TACR1: variants seen among roughly 807,000 people sequenced by gnomAD.
TACR1 encodes tachykinin receptor 1, also known as substance-P receptor.
In TACR1, 25 loss-of-function variants were observed where a neutral mutation model predicts 35.8. That is an observed-to-expected ratio of 0.70 (90% CI 0.51 to 0.98). The LOEUF is 0.98. Among genes scored for constraint, TACR1 ranks in the 50% least tolerant of loss-of-function variants. TACR1 has a pLI of 0.00. For synonymous variants in TACR1, 195 were observed against 206.7 expected (o/e 0.94, Z 0.48); for missense variants, 478 against 522.9 (o/e 0.91, Z 0.84).
chr2:75,050,579 C>T (rs1385376161), intron 4 of TACR1, among the ~76,000 whole-genome samples: 4 of 152,224 alleles, frequency 2.6e-5, no homozygotes, highest in African/African-American at 9.6e-5. Flanking sequence ...ATGCTGACCA[C>T]CATTCTGGAT....
At chr2:75,086,864 G>A (rs1473954968) in intron 2 of TACR1, among the ~76,000 whole-genome samples, 1 of 152,042 alleles carries the variant, frequency 6.6e-6, no homozygotes, top group Non-Finnish European at 1.5e-5. Context: ...CTAGCAGTGG[G>A]GATTTTGAGA....
chr2:75,109,424 G>C (rs1034106067), intron 2 of TACR1, among the ~76,000 whole-genome samples: 3 of 152,080 alleles, frequency 2.0e-5, no homozygotes, highest in African/African-American at 7.2e-5. Context: ...CTTTAACTTG[G>C]AATCTATTTT....
intron 1 of TACR1, among the ~76,000 whole-genome samples, chr2:75,176,927 C>A (rs551423798): frequency 9.9e-5 from 15 of 152,268 alleles, no homozygotes; most frequent in South Asian, 4.1e-4. Flanking sequence ...CTCTCCCTGA[C>A]CCCCAAGGAA....
intron 2 of TACR1, among the ~76,000 whole-genome samples, chr2:75,085,862 C>G (rs576208208): frequency 1.8e-3 from 270 of 152,322 alleles, no homozygotes; most frequent in Middle Eastern, 6.8e-3. Context: ...AACTCATTCT[C>G]TTTCTCTGAT....
intron 2 of TACR1, among the ~76,000 whole-genome samples, chr2:75,064,200 G>A (rs1672725381): frequency 6.6e-6 from 1 of 152,172 alleles, no homozygotes; most frequent in East Asian, 1.9e-4. Flanking sequence ...AAGAAGCTGA[G>A]CTCCCTCACC....
At chr2:75,132,540 T>C (rs1189378929) in intron 1 of TACR1, among the ~76,000 whole-genome samples, 1 of 152,256 alleles carries the variant, frequency 6.6e-6, no homozygotes, top group East Asian at 1.9e-4. Flanking sequence ...TTATACATAA[T>C]AAACATAATT....
At chr2:75,083,653 G>A (rs1673135688) in intron 2 of TACR1, among the ~76,000 whole-genome samples, 1 of 152,186 alleles carries the variant, frequency 6.6e-6, no homozygotes, top group East Asian at 1.9e-4. Flanking sequence ...TCCCTTGTAA[G>A]TTGGATTCCT....
chr2:75,168,827 A>G (rs1266247627), intron 1 of TACR1, among the ~76,000 whole-genome samples: 1 of 152,206 alleles, frequency 6.6e-6, no homozygotes, highest in African/African-American at 2.4e-5. Flanking sequence ...ACAGCAGCCT[A>G]GTTCCAATGA....
Position 75,198,601 on chromosome 2 carries a change from G to A in TACR1, c.334C>T (p.Pro112Ser). The A allele has an allele frequency of 6.2e-7, 1 of 1,614,196 alleles. No homozygotes were observed. The highest frequency in any genetic ancestry group is 1.3e-5 in the African/African-American group (1 of 75,032). The change falls in exon 1 of 5, where the codon CCC becomes TCC. Residue 112 changes from proline to serine, a missense_variant. Pro to Ser is a moderately conservative substitution (Grantham distance 74). Transcript: ENST00000305249. ...ATACTGGCGAAGACAGCGGCGATGG[G>A]AAAGAAGTTGTGGAACTTGCAGTAG... ...LFYCKFHNFF[P>S]IAAVFASIYS...
chr2:75,084,793 A>G (rs1673160100), intron 2 of TACR1, among the ~76,000 whole-genome samples: 1 of 151,886 alleles, frequency 6.6e-6, no homozygotes, highest in Non-Finnish European at 1.5e-5. Context: ...TCATTTTTTA[A>G]TTAGTCTATT....
chr2:75,147,882 G>A (rs1364610358), intron 1 of TACR1, among the ~76,000 whole-genome samples: 1 of 151,912 alleles, frequency 6.6e-6, no homozygotes, highest in African/African-American at 2.4e-5. Flanking sequence ...GTAGCTGGGA[G>A]TACAGGCATG....
At chr2:75,073,126 G>A (rs1033950913) in intron 2 of TACR1, among the ~76,000 whole-genome samples, 1 of 152,218 alleles carries the variant, frequency 6.6e-6, no homozygotes, top group Non-Finnish European at 1.5e-5. Flanking sequence ...GGGACCCGGT[G>A]TTTGGAAACC....
intron 2 of TACR1, among the ~76,000 whole-genome samples, chr2:75,091,578 T>C (rs1673314403): frequency 6.6e-6 from 1 of 152,194 alleles, no homozygotes. Flanking sequence ...TAAGTGAGTC[T>C]GTTATTGCAA....
At chr2:75,059,819 C>T (rs1672638564) in intron 2 of TACR1, among the ~76,000 whole-genome samples, 1 of 152,202 alleles carries the variant, frequency 6.6e-6, no homozygotes, top group Admixed American at 6.5e-5. Flanking sequence ...CTCGTTCCTC[C>T]TGCTCTTCCT....
chr2:75,092,970 C>T (rs778551295), intron 2 of TACR1, among the ~76,000 whole-genome samples: 6 of 152,140 alleles, frequency 3.9e-5, no homozygotes, highest in Non-Finnish European at 7.4e-5. Context: ...TACTTATCTA[C>T]AGGAAAAGTT....
At chr2:75,120,293 C>G (rs942075945) in intron 2 of TACR1, among the ~76,000 whole-genome samples, 13 of 152,066 alleles carry the variant, frequency 8.5e-5, no homozygotes, top group African/African-American at 3.1e-4. Flanking sequence ...AGGGTAATGT[C>G]TCTGGTAAAA....
chr2:75,141,652 G>T (rs966376987), intron 1 of TACR1, among the ~76,000 whole-genome samples: 2 of 152,114 alleles, frequency 1.3e-5, no homozygotes, highest in East Asian at 1.9e-4. Flanking sequence ...AATATTTCTT[G>T]GTCCTATATC....
intron 2 of TACR1, among the ~76,000 whole-genome samples, chr2:75,077,149 T>C (rs555984351): frequency 1.5e-3 from 228 of 152,292 alleles, no homozygotes; most frequent in African/African-American, 5.2e-3. Flanking sequence ...TTTGTATTTT[T>C]AGTAGAGATG....
chr2:75,117,903 C>T (rs1361281450), intron 2 of TACR1, among the ~76,000 whole-genome samples: 2 of 152,098 alleles, frequency 1.3e-5, no homozygotes, highest in Non-Finnish European at 2.9e-5. Context: ...TATCATTTTC[C>T]CACCATTGTA....
Sources: gnomAD v4.1 joint callset for allele counts (sites outside exome capture counted in the v4.1 genomes callset) on GRCh38, gnomAD v4.1.1 for gene constraint, MANE v1.5 for transcripts, NCBI Gene and HGNC (gene_info 2026-07-23, HGNC 2026-07-21) for gene names.